The following TAFA5 variants were observed in gnomAD, a reference collection of about 807,000 sequenced individuals.
TAFA5 encodes TAFA chemokine like family member 5.
TAFA5 carries 6 observed loss-of-function variants against 15.3 expected under a neutral mutation model. That is an observed-to-expected ratio of 0.39 (90% confidence interval 0.21 to 0.77). TAFA5 has a LOEUF of 0.77. Among genes scored for constraint, TAFA5 ranks in the 30% least tolerant of loss-of-function variants. The pLI is 0.41. For missense variants in TAFA5, 161 were observed against 193.1 expected (o/e 0.83, Z 0.98); for synonymous variants, 103 against 80.7 (o/e 1.28, Z -1.48).
intron 3 of TAFA5, among the ~76,000 whole-genome samples, chr22:48,728,689 C>T (rs1233027056): frequency 3.3e-5 from 5 of 152,164 alleles, no homozygotes; most frequent in Non-Finnish European, 7.4e-5. Flanking sequence ...CCTTTATCTT[C>T]AAATCAGAAA....
chr22:48,506,074 G>T (rs190962910), intron 1 of TAFA5, among the ~76,000 whole-genome samples: 1 of 152,104 alleles, frequency 6.6e-6, no homozygotes, highest in African/African-American at 2.4e-5. Flanking sequence ...AGCTGAGGTC[G>T]CCCTTCCCTG....
intron 1 of TAFA5, among the ~76,000 whole-genome samples, chr22:48,628,678 G>C (rs1037170441): frequency 4.6e-5 from 7 of 152,212 alleles, no homozygotes; most frequent in African/African-American, 1.4e-4. Context: ...GCCATGCTCT[G>C]TGTCCCTCTG....
intron 3 of TAFA5, among the ~76,000 whole-genome samples, chr22:48,723,083 A>C (rs132255): frequency 0.41 from 62,279 of 151,900 alleles, 13,556 homozygotes; most frequent in Non-Finnish European, 0.48. Flanking sequence ...TCCCATCATG[A>C]CAGACCGGTC....
chr22:48,600,873 G>A (rs753270947), intron 1 of TAFA5, among the ~76,000 whole-genome samples: 14 of 152,102 alleles, frequency 9.2e-5, no homozygotes, highest in South Asian at 2.1e-4. Context: ...CTGTCGCGGC[G>A]AGGCTTGCGG....
At chr22:48,562,614 C>T (rs1369449978) in intron 1 of TAFA5, among the ~76,000 whole-genome samples, 3 of 152,122 alleles carry the variant, frequency 2.0e-5, no homozygotes, top group East Asian at 1.9e-4. Flanking sequence ...TGTGGGGACC[C>T]CCGGGGCCCG....
At chr22:48,690,852 C>T (rs894267204) in intron 2 of TAFA5, among the ~76,000 whole-genome samples, 6 of 152,088 alleles carry the variant, frequency 3.9e-5, no homozygotes, top group African/African-American at 7.2e-5. Flanking sequence ...GTGCTGCCCC[C>T]GCCCCCTGTC....
intron 1 of TAFA5, among the ~76,000 whole-genome samples, chr22:48,588,381 C>G (rs564412745): frequency 1.3e-5 from 2 of 152,304 alleles, no homozygotes; most frequent in South Asian, 4.1e-4. Context: ...TGCCCTCTCT[C>G]CCGACTTTGC....
Position 48,544,186 on chromosome 22 carries a change from A to G in TAFA5, c.112+54482A>G, listed in dbSNP as rs953543206. 4.2e-5 allele frequency: 7 copies of G among 168,568 alleles called. No individual in the cohort carries two copies. In the East Asian group the frequency reaches 6.1e-4, roughly 15 times the overall value. The allele number at this position is 168,568 out of a possible 1,614,324, so 10.4% of individuals were successfully genotyped here. ...GGGTGGGGTCTTCCCTTCAGGTCCC[A>G]TGGTTTACATACCATCTCCATGACC... On this transcript the variant is annotated intron_variant, in intron 1 of 3. Transcript: ENST00000402357.
chr22:48,523,437 T>C (rs2147108412), intron 1 of TAFA5, among the ~76,000 whole-genome samples: 1 of 152,310 alleles, frequency 6.6e-6, no homozygotes, highest in South Asian at 2.1e-4. Context: ...GAATCACTTA[T>C]CTCCTGGCTG....
At chr22:48,711,191 T>C (rs576215975) in intron 3 of TAFA5, among the ~76,000 whole-genome samples, 1 of 152,218 alleles carries the variant, frequency 6.6e-6, no homozygotes, top group East Asian at 1.9e-4. Context: ...ACTTCCAGGC[T>C]AGTGACTCTC....
intron 1 of TAFA5, among the ~76,000 whole-genome samples, chr22:48,636,864 A>G (rs1926468626): frequency 6.6e-6 from 1 of 152,192 alleles, no homozygotes; most frequent in Non-Finnish European, 1.5e-5. Context: ...GTGCCCAAGG[A>G]GGACAGCCTC....
At chr22:48,564,739 C>T (rs1255558796) in intron 1 of TAFA5, among the ~76,000 whole-genome samples, 2 of 152,222 alleles carry the variant, frequency 1.3e-5, no homozygotes, top group African/African-American at 4.8e-5. Context: ...CCAGGCCTGG[C>T]ACTTGTGTGC....
intron 3 of TAFA5, among the ~76,000 whole-genome samples, chr22:48,741,782 C>A (rs1044103417): frequency 9.2e-5 from 14 of 152,218 alleles, no homozygotes; most frequent in Non-Finnish European, 2.1e-4. Context: ...GGGCTGCAGA[C>A]AGCGAATGTC....
chr22:48,619,387 A>G (rs1925724598), intron 1 of TAFA5, among the ~76,000 whole-genome samples: 1 of 151,982 alleles, frequency 6.6e-6, no homozygotes, highest in Non-Finnish European at 1.5e-5. Flanking sequence ...ACAGAGTCTC[A>G]CTCTGTCGCC....
At chr22:48,730,636 T>C (rs1929844916) in intron 3 of TAFA5, among the ~76,000 whole-genome samples, 2 of 152,184 alleles carry the variant, frequency 1.3e-5, no homozygotes, top group Non-Finnish European at 2.9e-5. Context: ...TCCCCTGTAT[T>C]TCAAACTTTA....
At chr22:48,704,177 A>G (rs1707426414) in intron 2 of TAFA5, among the ~76,000 whole-genome samples, 1 of 141,220 alleles carries the variant, frequency 7.1e-6, no homozygotes, top group African/African-American at 2.7e-5. Context: ...GGTGCTAGAG[A>G]AACACACCCT....
chr22:48,561,688 C>T (rs764851361), intron 1 of TAFA5, among the ~76,000 whole-genome samples: 2 of 152,216 alleles, frequency 1.3e-5, no homozygotes, highest in Non-Finnish European at 2.9e-5. Flanking sequence ...CCGCGATGCC[C>T]ATTGGGGGTC....
intron 2 of TAFA5, among the ~76,000 whole-genome samples, chr22:48,687,507 A>G (rs909991805): frequency 5.9e-5 from 9 of 152,146 alleles, no homozygotes; most frequent in Admixed American, 5.2e-4. Flanking sequence ...GAACCTAACT[A>G]TGAAGCCTTC....
chr22:48,711,777 G>A (rs1929261058), intron 3 of TAFA5, among the ~76,000 whole-genome samples: 1 of 152,170 alleles, frequency 6.6e-6, no homozygotes, highest in South Asian at 2.1e-4. Context: ...TCCAGCCCAG[G>A]CCTGATGCAG....
Sources: gnomAD v4.1 joint callset for allele counts (sites outside exome capture counted in the v4.1 genomes callset) on GRCh38, gnomAD v4.1.1 for gene constraint, MANE v1.5 for transcripts, NCBI Gene and HGNC (gene_info 2026-07-23, HGNC 2026-07-21) for gene names.